The following PRH1 variants were observed in gnomAD, a reference collection of about 807,000 sequenced individuals.
The protein encoded by PRH1 is proline rich protein HaeIII subfamily 1.
A neutral mutation model predicts 7.9 loss-of-function variants in PRH1; 7 were observed. The observed-to-expected ratio is 0.89, with a 90% CI of 0.50 to 1.67. The LOEUF is 1.67. PRH1 is among the 40% of genes most tolerant of loss of function. The pLI is 0.00. For synonymous variants in PRH1, 45 were observed against 80.8 expected, an observed-to-expected ratio of 0.56 and a Z score of 2.38; for missense variants, 109 against 223.6, an observed-to-expected ratio of 0.49 and a Z score of 3.27.
Position 11,077,631 on chromosome 12 carries a change from T to C in PRH1, n.124-30443A>G, listed in dbSNP as rs543999811. On this transcript the variant is annotated intron_variant and non_coding_transcript_variant, in intron 1 of 4. Coordinates refer to the PRH1 transcript ENST00000541977. Reference sequence around the variant, plus strand: ...CATGGAGCTGCATCTTCTTGAGATGTTTATGCAGAGAACAGATTAACAGCA... The same window carrying C: ...CATGGAGCTGCATCTTCTTGAGATGCTTATGCAGAGAACAGATTAACAGCA... 24 of 1,292,706 alleles carry C rather than the reference T, an allele frequency of 1.9e-5. No homozygotes were observed. The African/African-American group carries it at 3.1e-4, about 17-fold the overall frequency. 80.1% of individuals were successfully genotyped at this position (1,292,706 alleles called of 1,614,324 possible).
chr12:10,884,127 A>G (rs1949453328), intron 1 of PRH1, 27 bp downstream of exon 1: 2 of 1,614,034 alleles, frequency 1.2e-6, no homozygotes, highest in East Asian at 2.2e-5. Context: ...AATCAGAGTC[A>G]CAATATCTTC....
intron 1 of PRH1, among the ~76,000 whole-genome samples, chr12:11,033,569 T>C (rs1410654657): frequency 6.6e-6 from 1 of 151,998 alleles, no homozygotes. Context: ...AAAAAATAGA[T>C]GGGGAATGGC....
intron 2 of PRH1, chr12:10,908,311 C>T (rs1949835311): frequency 8.0e-6 from 11 of 1,379,378 alleles, no homozygotes; most frequent in Non-Finnish European, 1.1e-5. Flanking sequence ...ATCTTTTAAA[C>T]TCCTTGTAGA....
At chr12:11,121,811 TCTC>T (rs762343765) in intron 1 of PRH1, among the ~76,000 whole-genome samples, 32 of 152,254 alleles carry the variant, frequency 2.1e-4, no homozygotes, top group African/African-American at 5.5e-4. Context: ...AAAGATACAT[TCTC>T]CTCATTGATT....
intron 1 of PRH1, chr12:11,022,305 A>G (rs1222863670): frequency 6.4e-7 from 1 of 1,564,788 alleles, no homozygotes; most frequent in Non-Finnish European, 8.7e-7. Flanking sequence ...GGTTCGTTAC[A>G]GCCCAGGCAT....
upstream of PRH1, among the ~76,000 whole-genome samples, chr12:11,051,428 A>G (rs1300023723): frequency 2.6e-5 from 4 of 152,206 alleles, no homozygotes; most frequent in Admixed American, 6.5e-5. Context: ...CTTCTGATTA[A>G]TAATTTTTAT....
chr12:11,131,015 C>T (rs1946324702), intron 1 of PRH1, among the ~76,000 whole-genome samples: 1 of 152,258 alleles, frequency 6.6e-6, no homozygotes, highest in Non-Finnish European at 1.5e-5. Context: ...ATCATCCTTC[C>T]ATTTGGGACT....
chr12:11,165,367 A>G (rs1448718722), intron 1 of PRH1, among the ~76,000 whole-genome samples: 1 of 152,082 alleles, frequency 6.6e-6, no homozygotes, highest in East Asian at 1.9e-4. Context: ...TCTGCCTTCA[A>G]TATTACTGAT....
chr12:10,936,198 A>T (rs1349084805), intron 2 of PRH1, among the ~76,000 whole-genome samples: 2 of 151,026 alleles, frequency 1.3e-5, no homozygotes, highest in Non-Finnish European at 2.9e-5. Flanking sequence ...AAAACTTACT[A>T]CTGGGGAAGA....
In PRH1 at chr12:11,091,115, CATATATATATATAT is replaced by C. The variant is rs1555163213; in HGVS notation, n.124-43941_124-43928del. Among the ~76,000 whole-genome samples, 5 of 25,126 alleles carry C rather than the reference CATATATATATATAT, an allele frequency of 2.0e-4. 1 individual carries two copies. Among genetic ancestry groups the C allele is most frequent in the African/African-American group, 3.9e-4 (5 of 12,754 alleles). The allele number at this position is 25,126 out of a possible 152,430, so 16.5% of individuals were successfully genotyped here. ...ACACAAATACACACACACACACACACATATATATATATATATATATATATATATTTTCTAGACTG... is the reference window on the plus strand; with the variant it reads ...ACACAAATACACACACACACACACACATATATATATATATTTTCTAGACTG... On this transcript the variant is annotated intron_variant and non_coding_transcript_variant, in intron 1 of 4. Coordinates refer to the PRH1 transcript ENST00000541977.
At chr12:11,042,816 A>T (rs1490773669) in intron 1 of PRH1, among the ~76,000 whole-genome samples, 1 of 151,690 alleles carries the variant, frequency 6.6e-6, no homozygotes, top group Non-Finnish European at 1.5e-5. Context: ...TTTTTAGTAG[A>T]GACGGGGTTT....
Position 11,091,115 on chromosome 12 carries a change from C to CATATATATAT in PRH1, n.124-43937_124-43928dup, listed in dbSNP as rs1555163213. On this transcript the variant is annotated intron_variant and non_coding_transcript_variant, in intron 1 of 4. Coordinates refer to the PRH1 transcript ENST00000541977. ...ACACAAATACACACACACACACACA[C>CATATATATAT]ATATATATATATATATATATATATA... is the stretch of plus-strand genomic sequence containing the variant. Among the ~76,000 whole-genome samples the CATATATATAT allele has an allele frequency of 8.9e-3, 224 of 25,118 alleles. 27 individuals are homozygous for CATATATATAT. The highest frequency in any genetic ancestry group is 0.016 in the African/African-American group (209 of 12,748). The allele number at this position is 25,118 out of a possible 152,430, so 16.5% of individuals were successfully genotyped here. A position where few individuals can be genotyped will look rare whatever the true frequency, so the allele number is the denominator to read the frequency against.
chr12:10,908,628 G>T, intron 2 of PRH1: 1 of 1,614,018 alleles, frequency 6.2e-7, no homozygotes, highest in Non-Finnish European at 8.5e-7. Context: ...ATGGACCTTG[G>T]TCCTGGGGTC....
chr12:11,134,724 T>A (rs910722112), intron 1 of PRH1: 2 of 157,854 alleles, frequency 1.3e-5, no homozygotes, highest in African/African-American at 4.8e-5. Flanking sequence ...AGCTTGATCA[T>A]AACTAAGATC....
intron 1 of PRH1, among the ~76,000 whole-genome samples, chr12:11,149,123 G>A (rs376432242): frequency 0.03 from 4,573 of 151,448 alleles, 100 homozygotes; most frequent in Non-Finnish European, 0.039. Flanking sequence ...CTGTGGGATC[G>A]GTGGTGATAT....
At chr12:10,946,386 C>T (rs80240780) in intron 2 of PRH1, among the ~76,000 whole-genome samples, 3,020 of 152,182 alleles carry the variant, frequency 0.02, 36 homozygotes, top group South Asian at 0.032. Context: ...TGTATGTGTC[C>T]AGGAATTTAT....
chr12:11,061,970 T>C (rs1943625979), intron 1 of PRH1: 1 of 1,613,984 alleles, frequency 6.2e-7, no homozygotes, highest in Non-Finnish European at 8.5e-7. Flanking sequence ...TTGGCAATCT[T>C]GAGCAAATAA....
intron 1 of PRH1, among the ~76,000 whole-genome samples, chr12:11,037,718 T>C (rs867288832): frequency 3.3e-5 from 5 of 152,246 alleles, no homozygotes. Context: ...CAGTTCTTGC[T>C]TATCTCTCCT....
At chr12:11,005,868 G>T (rs1025232892) in intron 1 of PRH1, 3 of 151,988 alleles carry the variant, frequency 2.0e-5, no homozygotes, top group Non-Finnish European at 2.9e-5. Context: ...AAAATATTCA[G>T]CAATTTTTAA....
Sources: allele counts gnomAD v4.1 joint callset (sites outside exome capture counted in the v4.1 genomes callset), GRCh38; gene constraint gnomAD v4.1.1; transcripts MANE v1.5; gene names NCBI Gene and HGNC (gene_info 2026-07-23, HGNC 2026-07-21).